Variants in PPM1B observed in about 807,000 individuals in gnomAD.
The protein encoded by PPM1B is protein phosphatase 1B.
Under a neutral mutation model 43.0 loss-of-function variants are expected in PPM1B, and 22 were observed. That is an observed-to-expected ratio of 0.51 (90% CI 0.37 to 0.73). The LOEUF (loss-of-function observed/expected upper bound fraction) is 0.73, where lower values mean the gene tolerates loss of function less well. PPM1B is among the 30% of genes least tolerant of loss of function. The pLI is 0.00. For synonymous variants in PPM1B, 217 were observed against 197.9 expected (o/e 1.10, Z -0.81); for missense variants, 632 against 584.2 (o/e 1.08, Z -0.84).
intron 3 of PPM1B, among the ~76,000 whole-genome samples, chr2:44,213,121 T>C (rs1483422628): frequency 1.5e-5 from 2 of 137,646 alleles, no homozygotes; most frequent in Non-Finnish European, 3.2e-5. Context: ...TTTTTTTTTT[T>C]CTTTTCCACT....
At chr2:44,230,132 T>A in intron 5 of PPM1B, 2 of 1,457,842 alleles carry the variant, frequency 1.4e-6, no homozygotes, top group Non-Finnish European at 1.8e-6. Flanking sequence ...CTTGTGTTGC[T>A]GTTGAATTAT....
intron 1 of PPM1B, among the ~76,000 whole-genome samples, chr2:44,197,908 T>C (rs1668738392): frequency 6.6e-6 from 1 of 152,206 alleles, no homozygotes; most frequent in African/African-American, 2.4e-5. Context: ...TATCGCTATT[T>C]ATGTTACTTT....
intron 1 of PPM1B, among the ~76,000 whole-genome samples, chr2:44,188,138 TTTTGTTTG>T (rs757795768): frequency 6.6e-6 from 1 of 152,114 alleles, no homozygotes; most frequent in Non-Finnish European, 1.5e-5. Flanking sequence ...AATTTTTGGG[TTTTGTTTG>T]TTTGTTTGTT....
chr2:44,187,772 T>A (rs536325036), intron 1 of PPM1B, among the ~76,000 whole-genome samples: 59 of 152,218 alleles, frequency 3.9e-4, no homozygotes, highest in African/African-American at 1.4e-3. Context: ...TTTTTTGAAA[T>A]GGAGTCTTGC....
At position 44,194,591 on chromosome 2, in the gene PPM1B, C is replaced by T. The variant is rs1161246936; in HGVS notation, c.-14-6595C>T. Among the ~76,000 whole-genome samples, 4 of 151,994 alleles carry T rather than the reference C, an allele frequency of 2.6e-5. No homozygotes were observed. The East Asian group carries it at 5.8e-4, about 22-fold the overall frequency. ...AGAAAAAATTAGCCAGGCGTGGTGG[C>T]GGGCGCCTGTAGTCCCAGCTACTTG... is the stretch of plus-strand genomic sequence containing the variant. On this transcript the variant is annotated intron_variant, in intron 1 of 5. Transcript: ENST00000282412.
At chr2:44,230,190 GAC>G in intron 5 of PPM1B, 2 of 1,419,590 alleles carry the variant, frequency 1.4e-6, no homozygotes, top group Non-Finnish European at 1.8e-6. Context: ...TGTGAAATAA[GAC>G]ATAAACTAGT....
intron 1 of PPM1B, among the ~76,000 whole-genome samples, chr2:44,197,955 C>T: frequency 6.6e-6 from 1 of 152,158 alleles, no homozygotes; most frequent in East Asian, 1.9e-4. Flanking sequence ...CTTCAGAAAC[C>T]TTTGGGAAAA....
chr2:44,238,366 A>G (rs1259642490), downstream of PPM1B, among the ~76,000 whole-genome samples: 3 of 152,128 alleles, frequency 2.0e-5, no homozygotes, highest in African/African-American at 7.2e-5. Context: ...ACTGCTTATA[A>G]TTGGTATAGC....
At chr2:44,242,189 A>G (rs1417965189) in intron 5 of PPM1B, among the ~76,000 whole-genome samples, 1 of 152,200 alleles carries the variant, frequency 6.6e-6, no homozygotes, top group Non-Finnish European at 1.5e-5. Flanking sequence ...ACAAAACATT[A>G]TTTCGTAGTT....
downstream of PPM1B, among the ~76,000 whole-genome samples, chr2:44,245,055 T>G (rs963065321): frequency 5.3e-5 from 8 of 152,028 alleles, no homozygotes; most frequent in Non-Finnish European, 1.5e-5. Context: ...CTGATTGCTT[T>G]AACACTAGAA....
At chr2:44,230,009 A>C in intron 5 of PPM1B, 2 of 1,591,490 alleles carry the variant, frequency 1.3e-6, no homozygotes, top group Non-Finnish European at 1.7e-6. Flanking sequence ...TGATGAAGAA[A>C]CTGTTCTGAT....
chr2:44,232,328 C>A, downstream of PPM1B: 2 of 1,605,498 alleles, frequency 1.2e-6, no homozygotes, highest in Non-Finnish European at 1.7e-6. Flanking sequence ...TGCTGGAGAT[C>A]TAGAAGACCC....
chr2:44,195,242 C>T (rs1178769697), intron 1 of PPM1B, among the ~76,000 whole-genome samples: 13 of 146,854 alleles, frequency 8.9e-5, no homozygotes, highest in Non-Finnish European at 1.8e-4. Flanking sequence ...CTCACTGTGT[C>T]GCTCAGGCTA....
chr2:44,217,496 T>C (rs1669777946), intron 3 of PPM1B, among the ~76,000 whole-genome samples: 1 of 152,198 alleles, frequency 6.6e-6, no homozygotes, highest in Non-Finnish European at 1.5e-5. Flanking sequence ...ATAATTCTTA[T>C]CTAGCTAAAC....
chr2:44,224,379 C>T (rs1424154725), intron 5 of PPM1B, among the ~76,000 whole-genome samples: 5 of 149,508 alleles, frequency 3.3e-5, no homozygotes, highest in African/African-American at 7.4e-5. Context: ...GGCGTGAACC[C>T]GGGAGGCAGA....
At chr2:44,232,771 G>T (rs1026076616), downstream of PPM1B, 4 of 987,044 alleles carry the variant, frequency 4.1e-6, no homozygotes, top group Non-Finnish European at 4.8e-6. Context: ...CCTTTTTTCA[G>T]TTCACCAAGT....
intron 1 of PPM1B, among the ~76,000 whole-genome samples, chr2:44,173,028 A>G (rs1667420624): frequency 6.6e-6 from 1 of 152,254 alleles, no homozygotes; most frequent in Non-Finnish European, 1.5e-5. Context: ...AAGACTAACA[A>G]GCGTGGCCAG....
downstream of PPM1B, among the ~76,000 whole-genome samples, chr2:44,238,976 G>T (rs941438930): frequency 2.0e-5 from 3 of 151,886 alleles, no homozygotes; most frequent in African/African-American, 7.3e-5. Context: ...AAAAGGAGGG[G>T]AGAGGAGGGA....
intron 1 of PPM1B, among the ~76,000 whole-genome samples, chr2:44,195,692 C>T (rs564076326): frequency 6.6e-6 from 1 of 152,322 alleles, no homozygotes; most frequent in East Asian, 1.9e-4. Context: ...ATAAAAAATA[C>T]ATGTCTGCAA....
Sources: gnomAD v4.1 joint callset for allele counts (sites outside exome capture counted in the v4.1 genomes callset) on GRCh38, gnomAD v4.1.1 for gene constraint, MANE v1.5 for transcripts, NCBI Gene and HGNC (gene_info 2026-07-23, HGNC 2026-07-21) for gene names.